Variants in ITPR1 observed in about 807,000 individuals in gnomAD.
The protein encoded by ITPR1 is inositol 1,4,5-trisphosphate-gated calcium channel ITPR1.
ITPR1 carries 96 observed loss-of-function variants against 318.4 expected under a neutral mutation model. The observed-to-expected ratio is 0.30, with a 90% confidence interval of 0.26 to 0.36. The LOEUF (loss-of-function observed/expected upper bound fraction) is 0.36. Among genes scored for constraint, ITPR1 ranks in the 10% least tolerant of loss-of-function variants. The pLI, the probability that ITPR1 is intolerant of heterozygous loss-of-function variation, is 1.00. For synonymous variants in ITPR1, 1,312 were observed against 1,289.9 expected (o/e 1.02, Z -0.37); for missense variants, 2,440 against 3,460.2 (o/e 0.71, Z 7.40).
intron 30 of ITPR1, among the ~76,000 whole-genome samples, chr3:4,685,587 A>G (rs565576349): frequency 1.3e-5 from 2 of 152,268 alleles, no homozygotes; most frequent in African/African-American, 4.8e-5. Context: ...TATTAAGTGC[A>G]TGTAGGAACA....
chr3:4,842,125 A>G (rs2051389445), intron 61 of ITPR1, among the ~76,000 whole-genome samples: 1 of 152,236 alleles, frequency 6.6e-6, no homozygotes, highest in South Asian at 2.1e-4. Flanking sequence ...TAGAGGCAAT[A>G]CTGGTAGATT....
At position 4,593,513 on chromosome 3, in the gene ITPR1, G is replaced by A. The variant is rs560491141; in HGVS notation, c.164-34250G>A. ...TTTGTCTAAGGGCTAAAATTACAACGTGAACACAAGAAAGCTGGTGACATA... is the reference window on the plus strand; with the variant it reads ...TTTGTCTAAGGGCTAAAATTACAACATGAACACAAGAAAGCTGGTGACATA... On this transcript the variant is annotated intron_variant, in intron 4 of 61. Coordinates refer to ENST00000649015, the MANE Select transcript of ITPR1 (RefSeq NM_001378452.1). Among the ~76,000 whole-genome samples the A allele has an allele frequency of 3.9e-5, 6 of 152,302 alleles. No individual in the cohort carries two copies. In the East Asian group the frequency reaches 1.2e-3, roughly 29 times the overall value.
At chr3:4,633,617 G>T (rs1017084682) in intron 5 of ITPR1, among the ~76,000 whole-genome samples, 1 of 152,150 alleles carries the variant, frequency 6.6e-6, no homozygotes, top group Non-Finnish European at 1.5e-5. Context: ...TTTTCCTTCT[G>T]CAGGAATAAC....
At chr3:4,495,815 C>A (rs143929305) in intron 2 of ITPR1, among the ~76,000 whole-genome samples, 29 of 152,118 alleles carry the variant, frequency 1.9e-4, no homozygotes, top group African/African-American at 6.3e-4. Flanking sequence ...GTACTGCATC[C>A]CACAAATGGA....
intron 5 of ITPR1, among the ~76,000 whole-genome samples, chr3:4,632,775 G>A (rs1163275140): frequency 6.6e-6 from 1 of 151,602 alleles, no homozygotes; most frequent in Admixed American, 6.6e-5. Flanking sequence ...GTTGAAAAAA[G>A]TTCAATCATA....
At chr3:4,828,405 G>A (rs76060047) in intron 60 of ITPR1, among the ~76,000 whole-genome samples, 1 of 152,218 alleles carries the variant, frequency 6.6e-6, no homozygotes, top group African/African-American at 2.4e-5. Context: ...GGATGCTGAT[G>A]TGGGGAGAAG....
At chr3:4,696,585 T>G (rs1357988360) in intron 33 of ITPR1, among the ~76,000 whole-genome samples, 1 of 152,178 alleles carries the variant, frequency 6.6e-6, no homozygotes, top group African/African-American at 2.4e-5. Flanking sequence ...GTATACAGGA[T>G]TTTGTATAGA....
intron 61 of ITPR1, among the ~76,000 whole-genome samples, chr3:4,839,959 T>C (rs923212343): frequency 2.0e-5 from 3 of 151,652 alleles, no homozygotes; most frequent in African/African-American, 7.3e-5. Context: ...CATTCTCAAG[T>C]GCTTTTACCA....
intron 4 of ITPR1, among the ~76,000 whole-genome samples, chr3:4,579,688 A>T (rs1044170025): frequency 2.6e-5 from 4 of 152,196 alleles, no homozygotes; most frequent in Non-Finnish European, 4.4e-5. Flanking sequence ...ATATTGAGTC[A>T]GGGTTTTTGT....
At chr3:4,603,579 G>A (rs1320497636) in intron 4 of ITPR1, among the ~76,000 whole-genome samples, 9 of 152,066 alleles carry the variant, frequency 5.9e-5, no homozygotes, top group Non-Finnish European at 1.0e-4. Flanking sequence ...ACAGGGGCGC[G>A]CCACCACACC....
At chr3:4,727,672 T>G (rs1208390156) in intron 42 of ITPR1, among the ~76,000 whole-genome samples, 1 of 152,168 alleles carries the variant, frequency 6.6e-6, no homozygotes, top group African/African-American at 2.4e-5. Context: ...CCTCCTGGGC[T>G]CAAGAGATCC....
At chr3:4,819,820 A>AG (rs2049564560) in intron 60 of ITPR1, among the ~76,000 whole-genome samples, 1 of 152,224 alleles carries the variant, frequency 6.6e-6, no homozygotes, top group South Asian at 2.1e-4. Context: ...AGAAAAAAAA[A>AG]TCAGCACAGA....
intron 61 of ITPR1, among the ~76,000 whole-genome samples, chr3:4,837,471 A>G (rs1309845846): frequency 6.6e-6 from 1 of 152,060 alleles, no homozygotes; most frequent in Non-Finnish European, 1.5e-5. Flanking sequence ...TGTTGGGGAT[A>G]AAACAGTGAA....
chr3:4,661,134 A>G, intron 14 of ITPR1, 47 bp downstream of exon 14: 1 of 1,079,034 alleles, frequency 9.3e-7, no homozygotes, highest in Non-Finnish European at 1.4e-6. Flanking sequence ...GTGTTTCCTA[A>G]TGAAAGGGCT....
intron 10 of ITPR1, among the ~76,000 whole-genome samples, chr3:4,649,338 A>G (rs972008723): frequency 6.6e-6 from 1 of 152,116 alleles, no homozygotes; most frequent in African/African-American, 2.4e-5. Context: ...TCTTTCTCTC[A>G]TTTTTTAAAA....
intron 61 of ITPR1, 43 bp downstream of exon 61, chr3:4,836,978 C>G (rs780814988): frequency 4.1e-6 from 6 of 1,451,718 alleles, no homozygotes; most frequent in South Asian, 1.5e-5. Flanking sequence ...CATCACTATC[C>G]CCACCCACAC....
intron 4 of ITPR1, among the ~76,000 whole-genome samples, chr3:4,593,325 G>T (rs1295175560): frequency 6.6e-6 from 1 of 152,112 alleles, no homozygotes; most frequent in African/African-American, 2.4e-5. Context: ...TTTGTAAAAA[G>T]GAGGCTTAGA....
At chr3:4,657,530 C>T (rs1220246853) in intron 12 of ITPR1, among the ~76,000 whole-genome samples, 8 of 150,628 alleles carry the variant, frequency 5.3e-5, no homozygotes, top group East Asian at 2.0e-4. Context: ...TGCGGTGGCG[C>T]GATCTCAGCT....
In ITPR1 at chr3:4,627,812, G is replaced by A; in HGVS notation, c.213G>A (p.Gln71=). 1 of 1,613,776 alleles carries A rather than the reference G, an allele frequency of 6.2e-7. No individual in the cohort carries two copies. The highest frequency in any genetic ancestry group is 1.3e-5 in the African/African-American group (1 of 74,984). ...TGAACCGCTACTCTGCCCAAAAGCA[G>A]TTCTGGAAAGCCGCTAAGCCTGGGG... ...CPMNRYSAQK[Q]FWKAAKPGAN... is the part of the protein sequence containing the mutation. The change falls in exon 5 of 62, where the codon CAG becomes CAA. Residue 71 remains glutamine, a synonymous_variant. Transcript: ENST00000649015.
Sources: gnomAD v4.1 joint callset for allele counts (sites outside exome capture counted in the v4.1 genomes callset) on GRCh38, gnomAD v4.1.1 for gene constraint, MANE v1.5 for transcripts, NCBI Gene and HGNC (gene_info 2026-07-23, HGNC 2026-07-21) for gene names.